NEDD9: variants seen among roughly 807,000 people sequenced by gnomAD.
NEDD9 encodes the protein enhancer of filamentation 1.
In NEDD9, 26 loss-of-function variants were observed where a neutral mutation model predicts 76.6. The observed-to-expected ratio is 0.34, with a 90% CI of 0.25 to 0.47. NEDD9 has a LOEUF of 0.47. Ranked by LOEUF, NEDD9 falls within the 20% of genes least tolerant of loss-of-function variation. The pLI, the probability that NEDD9 is intolerant of heterozygous loss-of-function variation, is 1.00. For missense variants in NEDD9, 937 were observed against 1,058.5 expected (o/e 0.89, Z 1.59); for synonymous variants, 392 against 414.2 (o/e 0.95, Z 0.65).
chr6:11,223,662 G>T (rs1371587606), intron 1 of NEDD9, among the ~76,000 whole-genome samples: 1 of 152,192 alleles, frequency 6.6e-6, no homozygotes, highest in East Asian at 1.9e-4. Context: ...TTCAGGTGCT[G>T]CGGGCTATGA....
At chr6:11,347,941 A>G (rs1215415173) in intron 1 of NEDD9, among the ~76,000 whole-genome samples, 1 of 152,208 alleles carries the variant, frequency 6.6e-6, no homozygotes, top group African/African-American at 2.4e-5. Flanking sequence ...AGCTCTGGCC[A>G]GGGCAATCAG....
intron 1 of NEDD9, among the ~76,000 whole-genome samples, chr6:11,350,507 AC>A (rs1414931133): frequency 5.3e-5 from 8 of 152,188 alleles, no homozygotes; most frequent in African/African-American, 1.9e-4. Flanking sequence ...GGCCAGGCAG[AC>A]CTGGGCAACC....
chr6:11,281,370 T>C (rs148685562), intron 3 of NEDD9, among the ~76,000 whole-genome samples: 23 of 152,324 alleles, frequency 1.5e-4, no homozygotes, highest in African/African-American at 5.5e-4. Context: ...TCTGGGTTCG[T>C]TGAAAAGATA....
chr6:11,322,279 C>T (rs186950828), intron 2 of NEDD9, among the ~76,000 whole-genome samples: 1 of 152,194 alleles, frequency 6.6e-6, no homozygotes, highest in East Asian at 1.9e-4. Flanking sequence ...ACCACCATGG[C>T]ACACGTATAC....
intron 3 of NEDD9, among the ~76,000 whole-genome samples, chr6:11,248,738 C>T (rs1325442216): frequency 6.6e-6 from 1 of 152,176 alleles, no homozygotes; most frequent in African/African-American, 2.4e-5. Context: ...GCCCCCAGCA[C>T]ACCAGTGCTA....
chr6:11,340,178 A>G (rs1762245331), intron 1 of NEDD9, among the ~76,000 whole-genome samples: 1 of 152,182 alleles, frequency 6.6e-6, no homozygotes, highest in Non-Finnish European at 1.5e-5. Flanking sequence ...TCCTTATGCA[A>G]GAGCTGACAG....
intron 1 of NEDD9, among the ~76,000 whole-genome samples, chr6:11,369,406 ATAATCT>A (rs1762820765): frequency 6.6e-6 from 1 of 152,224 alleles, no homozygotes; most frequent in South Asian, 2.1e-4. Flanking sequence ...TTTAAGTAAA[ATAATCT>A]TAAAAACACA....
At chr6:11,267,262 G>T (rs916264194) in intron 3 of NEDD9, among the ~76,000 whole-genome samples, 1 of 152,114 alleles carries the variant, frequency 6.6e-6, no homozygotes, top group African/African-American at 2.4e-5. Context: ...ACCTGCAAGT[G>T]GCTTGTAATG....
At chr6:11,322,856 A>G (rs1485961668) in intron 2 of NEDD9, among the ~76,000 whole-genome samples, 1 of 152,208 alleles carries the variant, frequency 6.6e-6, no homozygotes, top group Non-Finnish European at 1.5e-5. Flanking sequence ...TACATGCACG[A>G]AGCCAGGGAA....
At chr6:11,328,371 A>C (rs978493427) in intron 2 of NEDD9, among the ~76,000 whole-genome samples, 1 of 152,234 alleles carries the variant, frequency 6.6e-6, no homozygotes, top group South Asian at 2.1e-4. Flanking sequence ...TGGATCCTGT[A>C]ACAGGGTTAA....
At chr6:11,281,447 C>G (rs761392669) in intron 3 of NEDD9, among the ~76,000 whole-genome samples, 11 of 152,246 alleles carry the variant, frequency 7.2e-5, no homozygotes, top group Admixed American at 1.3e-4. Flanking sequence ...AGGCTATTCC[C>G]TTTATTCCAC....
At chr6:11,234,677 A>G (rs925092031), upstream of NEDD9, among the ~76,000 whole-genome samples, 1 of 151,858 alleles carries the variant, frequency 6.6e-6, no homozygotes, top group Non-Finnish European at 1.5e-5. Flanking sequence ...TGTTGGAATC[A>G]GGTAAACCTG....
chr6:11,292,791 G>A (rs865959648), intron 3 of NEDD9, among the ~76,000 whole-genome samples: 4 of 152,180 alleles, frequency 2.6e-5, no homozygotes, highest in African/African-American at 9.7e-5. Flanking sequence ...CTCATGACAA[G>A]GAGGGAGGTG....
intron 2 of NEDD9, chr6:11,199,009 A>G (rs532822064): frequency 1.1e-4 from 17 of 152,326 alleles, no homozygotes; most frequent in African/African-American, 4.1e-4. Flanking sequence ...GCAGGCAAGG[A>G]GGGCTGCTGG....
At chr6:11,315,683 A>G (rs1004475917) in intron 2 of NEDD9, among the ~76,000 whole-genome samples, 17 of 152,210 alleles carry the variant, frequency 1.1e-4, no homozygotes, top group African/African-American at 4.1e-4. Context: ...GGATTGGCTT[A>G]TAAATGAATT....
At chr6:11,235,755 C>T (rs1759585375), upstream of NEDD9, among the ~76,000 whole-genome samples, 1 of 152,112 alleles carries the variant, frequency 6.6e-6, no homozygotes, top group African/African-American at 2.4e-5. This position sits in a 1 kb window ranked among gnomAD's most constrained non-coding sequence, Gnocchi z 4.1. Context: ...GGGGAAGGGC[C>T]CGCAGTAGGC....
intron 1 of NEDD9, among the ~76,000 whole-genome samples, chr6:11,221,310 G>A (rs1759136777): frequency 6.6e-6 from 1 of 151,558 alleles, no homozygotes; most frequent in African/African-American, 2.4e-5. Context: ...TTGAACCTGG[G>A]AGGCGGAGGT....
Position 11,213,479 on chromosome 6 carries a change from G to C in NEDD9, c.261C>G (p.Gly87=). 1.7e-5 allele frequency: 28 copies of C among 1,614,136 alleles called. No homozygotes were observed. The highest frequency in any genetic ancestry group is 2.4e-5 in the Non-Finnish European group (28 of 1,180,028). The change falls in exon 2 of 7, where the codon GGC becomes GGG. Residue 87 remains glycine, a synonymous_variant. Coordinates refer to ENST00000379446, the MANE Select transcript of NEDD9 (RefSeq NM_006403.4). This position sits in a 1 kb window ranked among gnomAD's most constrained non-coding sequence, Gnocchi z 5.4. The part of the protein sequence containing the change: ...PASGLMQQTF[G]QQKLYQVPNP... ...TTGGCACTTGATAGAGCTTCTGTTG[G>C]CCAAAGGTCTGCTGCATCAGTCCAG... is the stretch of plus-strand genomic sequence containing the variant.
chr6:11,320,052 C>G lies in NEDD9; in HGVS notation c.-152-13897G>C, dbSNP rs73721562. Among the ~76,000 whole-genome samples, 721 of 152,258 alleles carry G rather than the reference C, an allele frequency of 4.7e-3. 3 individuals carry two copies. Among genetic ancestry groups the G allele is most frequent in the African/African-American group, 0.016 (680 of 41,544 alleles). On this transcript the variant is annotated intron_variant, in intron 2 of 3. Coordinates refer to the NEDD9 transcript ENST00000397378. ...GTATCCTTGGCTGTCCTGTGGTCTCCCAGCTCCTGGATGCTGTCCCTCCTG... is the reference window on the plus strand; with the variant it reads ...GTATCCTTGGCTGTCCTGTGGTCTCGCAGCTCCTGGATGCTGTCCCTCCTG...
Sources: allele counts gnomAD v4.1 joint callset (sites outside exome capture counted in the v4.1 genomes callset), GRCh38; gene constraint gnomAD v4.1.1; non-coding constraint Gnocchi (gnomAD v3.1); transcripts MANE v1.5; gene names NCBI Gene and HGNC (gene_info 2026-07-23, HGNC 2026-07-21).